LYPD6: variants seen among roughly 807,000 people sequenced by gnomAD.
LYPD6 encodes ly6/PLAUR domain-containing protein 6.
In LYPD6, 15 loss-of-function variants were observed where a neutral mutation model predicts 22.7. The observed-to-expected ratio is 0.66, with a 90% CI of 0.44 to 1.02. LYPD6 has a LOEUF of 1.02. Among genes scored for constraint, LYPD6 ranks in the 50% least tolerant of loss-of-function variants. The pLI is 0.00. For missense variants in LYPD6, 189 were observed against 208.4 expected, an observed-to-expected ratio of 0.91 and a Z score of 0.57; for synonymous variants, 72 against 77.5, an observed-to-expected ratio of 0.93 and a Z score of 0.37.
chr2:149,434,997 G>A (rs1468572939), intron 1 of LYPD6, among the ~76,000 whole-genome samples: 1 of 152,184 alleles, frequency 6.6e-6, no homozygotes, highest in Non-Finnish European at 1.5e-5. Context: ...CTAACCCCTG[G>A]TATCTTGGAT....
chr2:149,467,187 C>G (rs1681219645), intron 3 of LYPD6, among the ~76,000 whole-genome samples: 1 of 152,216 alleles, frequency 6.6e-6, no homozygotes. Flanking sequence ...CCCCAGATGA[C>G]CTTACCCTAC....
intron 1 of LYPD6, among the ~76,000 whole-genome samples, chr2:149,365,246 A>G (rs1181554668): frequency 6.6e-6 from 1 of 152,224 alleles, no homozygotes; most frequent in Non-Finnish European, 1.5e-5. Context: ...TCTTGTTGGC[A>G]AAGCACCTCA....
chr2:149,403,810 G>A (rs1434954770), intron 1 of LYPD6, among the ~76,000 whole-genome samples: 2 of 152,168 alleles, frequency 1.3e-5, no homozygotes, highest in East Asian at 3.9e-4. Context: ...CCTTGCCCCT[G>A]CCTATGTCCT....
intron 1 of LYPD6, among the ~76,000 whole-genome samples, chr2:149,368,625 T>C (rs1176070607): frequency 2.6e-5 from 4 of 152,174 alleles, no homozygotes; most frequent in Admixed American, 6.6e-5. Context: ...GATTTTGGAC[T>C]TTACCTTAAA....
chr2:149,377,794 C>T (rs1360139402), intron 1 of LYPD6, among the ~76,000 whole-genome samples: 3 of 122,692 alleles, frequency 2.4e-5, no homozygotes, highest in Non-Finnish European at 3.5e-5. Flanking sequence ...CCCCCCCCCA[C>T]CCCCCCAAAA....
At chr2:149,454,433 A>G (rs921346855) in intron 3 of LYPD6, among the ~76,000 whole-genome samples, 1 of 152,208 alleles carries the variant, frequency 6.6e-6, no homozygotes, top group African/African-American at 2.4e-5. Flanking sequence ...TTTTCGAGCA[A>G]CAAAGTCATG....
chr2:149,395,196 C>G (rs577586926), intron 1 of LYPD6, among the ~76,000 whole-genome samples: 1 of 152,016 alleles, frequency 6.6e-6, no homozygotes, highest in Non-Finnish European at 1.5e-5. Flanking sequence ...CACCTTGTCA[C>G]GTAGAAGCTT....
At chr2:149,422,779 T>C (rs932967182) in intron 1 of LYPD6, among the ~76,000 whole-genome samples, 1 of 152,144 alleles carries the variant, frequency 6.6e-6, no homozygotes, top group Non-Finnish European at 1.5e-5. Flanking sequence ...CATCATCTCC[T>C]GACAAGCATC....
intron 1 of LYPD6, among the ~76,000 whole-genome samples, chr2:149,437,399 T>C (rs1018971717): frequency 2.0e-5 from 3 of 152,132 alleles, no homozygotes; most frequent in Non-Finnish European, 2.9e-5. Flanking sequence ...TGATACCATC[T>C]CTGCTGGATA....
chr2:149,443,699 G>A (rs1327833345), intron 2 of LYPD6, among the ~76,000 whole-genome samples: 1 of 151,858 alleles, frequency 6.6e-6, no homozygotes, highest in Non-Finnish European at 1.5e-5. Flanking sequence ...GCATGGCTTT[G>A]GCGTTTGAGA....
intron 1 of LYPD6, among the ~76,000 whole-genome samples, chr2:149,375,905 A>G (rs1681910757): frequency 6.6e-6 from 1 of 152,212 alleles, no homozygotes; most frequent in South Asian, 2.1e-4. Flanking sequence ...AAGCATACAG[A>G]ATTGCGAATC....
chr2:149,354,407 C>T (rs1681413881), intron 1 of LYPD6, among the ~76,000 whole-genome samples: 1 of 152,070 alleles, frequency 6.6e-6, no homozygotes, highest in African/African-American at 2.4e-5. Flanking sequence ...GGGGTTTTAC[C>T]ATGTTGGCCA....
At chr2:149,344,020 A>T (rs570547494) in intron 1 of LYPD6, among the ~76,000 whole-genome samples, 5 of 152,338 alleles carry the variant, frequency 3.3e-5, no homozygotes, top group Admixed American at 6.5e-5. Flanking sequence ...AGTGATTCCC[A>T]GACCTATTTG....
intron 1 of LYPD6, among the ~76,000 whole-genome samples, chr2:149,354,429 A>T (rs1681414479): frequency 6.6e-6 from 1 of 152,056 alleles, no homozygotes; most frequent in Admixed American, 6.5e-5. Context: ...GCTGGTCTCA[A>T]ACTCCTGACC....
chr2:149,354,283 C>T (rs1365990061), intron 1 of LYPD6, among the ~76,000 whole-genome samples: 1 of 152,156 alleles, frequency 6.6e-6, no homozygotes, highest in African/African-American at 2.4e-5. Context: ...TCTCAGCTCA[C>T]GGCAACTTCT....
chr2:149,431,847 A>G (rs1345722153), intron 1 of LYPD6, among the ~76,000 whole-genome samples: 1 of 152,200 alleles, frequency 6.6e-6, no homozygotes, highest in African/African-American at 2.4e-5. Context: ...GGGAGAGGAT[A>G]TTTGCAAACA....
chr2:149,378,813 G>A (rs1476396019), intron 1 of LYPD6, among the ~76,000 whole-genome samples: 1 of 151,994 alleles, frequency 6.6e-6, no homozygotes, highest in African/African-American at 2.4e-5. Flanking sequence ...CTCCACTTCT[G>A]GGGCATGATC....
At chr2:149,331,152 G>T (rs1376659706) in intron 1 of LYPD6, among the ~76,000 whole-genome samples, 3 of 152,136 alleles carry the variant, frequency 2.0e-5, no homozygotes, top group Non-Finnish European at 4.4e-5. Context: ...GGGGCGGGGG[G>T]CAGTGGCGGT....
chr2:149,430,180 A>G (rs921975379), intron 1 of LYPD6, among the ~76,000 whole-genome samples: 1 of 151,982 alleles, frequency 6.6e-6, no homozygotes, highest in Non-Finnish European at 1.5e-5. Flanking sequence ...GCTCACTGCA[A>G]CCTCCGCCTC....
Sources: gnomAD v4.1 joint callset for allele counts (sites outside exome capture counted in the v4.1 genomes callset) on GRCh38, gnomAD v4.1.1 for gene constraint, MANE v1.5 for transcripts, NCBI Gene and HGNC (gene_info 2026-07-23, HGNC 2026-07-21) for gene names.